The following SLC9C1 variants were observed in gnomAD, a reference collection of about 807,000 sequenced individuals.
SLC9C1 encodes sodium/hydrogen exchanger 10.
Under a neutral mutation model 140.9 loss-of-function variants are expected in SLC9C1, and 97 were observed. The ratio of observed to expected loss-of-function variants is 0.69; its 90% CI spans 0.58 to 0.82. The LOEUF (loss-of-function observed/expected upper bound fraction) is 0.82. Ranked by LOEUF, SLC9C1 falls within the 40% of genes least tolerant of loss-of-function variation. The pLI is 0.00. For synonymous variants in SLC9C1, 440 were observed against 442.6 expected, an observed-to-expected ratio of 0.99 and a Z score of 0.07; for missense variants, 1,340 against 1,389.3, an observed-to-expected ratio of 0.96 and a Z score of 0.56.
At chr3:112,208,121 A>T in intron 16 of SLC9C1, 57 bp downstream of exon 16, 1 of 1,343,880 alleles carries the variant, frequency 7.4e-7, no homozygotes, top group Non-Finnish European at 1.0e-6. Context: ...AAACAAGGCT[A>T]GGAAATCTCC....
chr3:112,150,815 CATATACATATATATATA>C, intron 28 of SLC9C1, among the ~76,000 whole-genome samples: 2 of 20,122 alleles, frequency 9.9e-5, no homozygotes, highest in Admixed American at 6.9e-4. Context: ...TATATAAATA[CATATACATATATATATA>C]TATATATATT....
At chr3:112,236,404 T>C (rs2078987585) in intron 12 of SLC9C1, among the ~76,000 whole-genome samples, 1 of 152,328 alleles carries the variant, frequency 6.6e-6, no homozygotes, top group East Asian at 1.9e-4. Context: ...ATTTGGTTGA[T>C]CTTTTCAAAA....
At chr3:112,190,964 C>CACACACACACAT (rs1491260690) in intron 20 of SLC9C1, among the ~76,000 whole-genome samples, 2 of 89,050 alleles carry the variant, frequency 2.2e-5, no homozygotes, top group Admixed American at 1.0e-4. Flanking sequence ...CACACACACA[C>CACACACACACAT]ATATATATAT....
chr3:112,233,334 TAAGATTACA>T (rs2078885894), intron 12 of SLC9C1, among the ~76,000 whole-genome samples: 1 of 152,150 alleles, frequency 6.6e-6, no homozygotes, highest in Admixed American at 6.5e-5. Flanking sequence ...CCCAAAGTGT[TAAGATTACA>T]GGCATGAGCC....
rs528366922 is a variant in SLC9C1 at position 112,194,469 on chromosome 3, C to T, written c.2523+4852G>A. 4.6e-5 allele frequency among the ~76,000 whole-genome samples: 7 copies of T among 152,220 alleles called. No homozygotes were observed. In the South Asian group the frequency reaches 1.5e-3, roughly 32 times the overall value. ...TATTTTTTTAATTTGTTGCCTTGGT[C>T]CTTTCTTTTCAGGGGTGAAGGAAAT... On this transcript the variant is annotated intron_variant, in intron 20 of 28. Coordinates refer to ENST00000305815, the MANE Select transcript of SLC9C1 (RefSeq NM_183061.3).
chr3:112,166,709 A>T (rs955058344), intron 26 of SLC9C1, among the ~76,000 whole-genome samples: 1 of 152,010 alleles, frequency 6.6e-6, no homozygotes, highest in Non-Finnish European at 1.5e-5. Flanking sequence ...TAAATTTTTA[A>T]TATTTATCTC....
chr3:112,287,830 G>A (rs2080555395), intron 1 of SLC9C1, among the ~76,000 whole-genome samples: 1 of 151,968 alleles, frequency 6.6e-6, no homozygotes, highest in African/African-American at 2.4e-5. Flanking sequence ...GGTGGGTCAC[G>A]AGGTCAGGAG....
intron 14 of SLC9C1, among the ~76,000 whole-genome samples, chr3:112,218,168 T>C (rs2108111130): frequency 1.0e-5 from 1 of 95,808 alleles, no homozygotes; most frequent in Non-Finnish European, 2.0e-5. Flanking sequence ...TGTAGCTTTC[T>C]GCTAGGTTTT....
intron 13 of SLC9C1, among the ~76,000 whole-genome samples, chr3:112,224,459 C>T (rs1398193532): frequency 6.6e-6 from 1 of 151,946 alleles, no homozygotes; most frequent in Non-Finnish European, 1.5e-5. Context: ...AGTTCACCAG[C>T]AACTGGTCCC....
rs2077195005 is a variant in SLC9C1 at position 112,169,043 on chromosome 3, T to C, written c.3071A>G (p.Gln1024Arg). ...LSYEDWNYNM[Q>R]LKLSNIYVVD... is the part of the protein sequence containing the mutation. ...TACATAAATATTAGAGAGCTTTAGT[T>C]GCATATTGTAGTTCCAATCCTGTTT... Residue 1024 changes from glutamine (Q) to arginine (R), a missense_variant, in exon 25 of 29, where the codon CAA becomes CGA. Coordinates refer to ENST00000305815, the MANE Select transcript of SLC9C1 (RefSeq NM_183061.3). 15 of 1,594,030 alleles carry C rather than the reference T, an allele frequency of 9.4e-6. No homozygotes were observed. The highest frequency in any genetic ancestry group is 1.3e-5 in the Non-Finnish European group (15 of 1,173,692).
intron 26 of SLC9C1, among the ~76,000 whole-genome samples, chr3:112,162,182 G>A (rs1373579981): frequency 6.6e-6 from 1 of 152,140 alleles, no homozygotes; most frequent in African/African-American, 2.4e-5. Context: ...TGAGACAATG[G>A]GGTTATCTAG....
chr3:112,227,786 T>C (rs1355677716), intron 13 of SLC9C1, among the ~76,000 whole-genome samples: 1 of 152,008 alleles, frequency 6.6e-6, no homozygotes, highest in African/African-American at 2.4e-5. Context: ...GCTAACTATG[T>C]GAAAAGAAAT....
chr3:112,145,667 A>G (rs1029155253), intron 28 of SLC9C1, among the ~76,000 whole-genome samples: 5 of 117,692 alleles, frequency 4.2e-5, no homozygotes, highest in African/African-American at 1.0e-4. Context: ...TGGTCTGTTC[A>G]GTTTTTCAAT....
intron 12 of SLC9C1, among the ~76,000 whole-genome samples, chr3:112,233,050 C>CATATATAT (rs1226398851): frequency 1.2e-5 from 1 of 86,628 alleles, no homozygotes; most frequent in African/African-American, 3.9e-5. Context: ...CACACACACA[C>CATATATAT]ATATATATAT....
At chr3:112,192,047 TCTCA>T (rs1416070314) in intron 20 of SLC9C1, among the ~76,000 whole-genome samples, 1 of 141,776 alleles carries the variant, frequency 7.1e-6, no homozygotes, top group African/African-American at 2.6e-5. Flanking sequence ...CAAACATCCC[TCTCA>T]CTGTTTTTTT....
intron 13 of SLC9C1, among the ~76,000 whole-genome samples, chr3:112,231,156 TTC>T (rs747260180): frequency 6.6e-6 from 1 of 150,704 alleles, no homozygotes; most frequent in African/African-American, 2.5e-5. Flanking sequence ...CTTTCTTTCT[TTC>T]TTTCTCTTTC....
intron 20 of SLC9C1, among the ~76,000 whole-genome samples, chr3:112,190,693 G>T (rs1482660609): frequency 3.3e-5 from 5 of 151,690 alleles, no homozygotes; most frequent in Non-Finnish European, 2.9e-5. Flanking sequence ...AACATTCATT[G>T]TAAATTTTGT....
intron 13 of SLC9C1, among the ~76,000 whole-genome samples, chr3:112,229,283 A>G (rs1172951469): frequency 6.6e-6 from 1 of 152,088 alleles, no homozygotes; most frequent in Non-Finnish European, 1.5e-5. Context: ...TGATTATAGT[A>G]AACACTAATC....
rs1462055279 is a variant in SLC9C1 at position 112,169,296 on chromosome 3, A to G, written c.2952T>C (p.Asp984=). The G allele has an allele frequency of 1.2e-6, 2 of 1,612,570 alleles. No individual in the cohort carries two copies. Among genetic ancestry groups the G allele is most frequent in the African/African-American group, 2.7e-5 (2 of 74,908 alleles). Residue 984 remains aspartate, a synonymous_variant, in exon 24 of 29, where the codon GAT becomes GAC. Transcript: ENST00000305815. The stretch of plus-strand genomic sequence containing the variant: ...TGAGAGGAGAGCATTGCTCAAAAGC[A>G]TCATACAAGTGAGTTTTGGGAATAA... ...TCFIPKTHLY[D]AFEQCSPLIK...
Sources: gnomAD v4.1 joint callset for allele counts (sites outside exome capture counted in the v4.1 genomes callset) on GRCh38, gnomAD v4.1.1 for gene constraint, MANE v1.5 for transcripts, NCBI Gene and HGNC (gene_info 2026-07-23, HGNC 2026-07-21) for gene names.